The following SENP3 variants were observed in gnomAD, a reference collection of about 807,000 sequenced individuals.
The protein encoded by SENP3 is sentrin-specific protease 3.
Under a neutral mutation model 66.2 loss-of-function variants are expected in SENP3, and 11 were observed. The observed-to-expected ratio is 0.17, with a 90% CI of 0.10 to 0.28. The LOEUF (loss-of-function observed/expected upper bound fraction) is 0.28. SENP3 is among the 10% of genes least tolerant of loss of function. SENP3 has a pLI of 1.00. For missense variants in SENP3, 548 were observed against 743.7 expected, an observed-to-expected ratio of 0.74 and a Z score of 3.06; for synonymous variants, 292 against 277.6, an observed-to-expected ratio of 1.05 and a Z score of -0.52.
rs1222903863 is a variant in SENP3, at chr17:7,566,881, C to G, written c.1264-46C>G. The G allele has an allele frequency of 3.0e-6, 4 of 1,346,422 alleles. No individual in the cohort carries two copies. The Admixed American group carries it at 5.9e-5, about 20-fold the overall frequency. The allele number at this position is 1,346,422 out of a possible 1,614,324, so 83.4% of individuals were successfully genotyped here. The stretch of plus-strand genomic sequence containing the variant: ...AGGAGGGGAGACTTAGTGGGAGAGT[C>G]TGAGGTCTTTTAATTCCATTGAGCT... On this transcript the variant is annotated intron_variant, in intron 6 of 10. Transcript: ENST00000321337.
At position 7,570,797 on chromosome 17, in the gene SENP3, G is replaced by A; in HGVS notation, c.1563+33G>A. On this transcript the variant is annotated intron_variant, in intron 9 of 10. Transcript: ENST00000321337. The surrounding 1 kb of genome is among the most constrained non-coding windows in gnomAD (Gnocchi z 5.4). The stretch of plus-strand genomic sequence containing the variant: ...TCCTGAGGGAGGGGTATAGGGTGTT[G>A]GTGGGGACAGTGGTAGAAGGCAGAA... The A allele has an allele frequency of 6.2e-7, 1 of 1,604,450 alleles. No homozygotes were observed. Among genetic ancestry groups the A allele is most frequent in the Non-Finnish European group, 8.5e-7 (1 of 1,174,486 alleles).
chr17:7,563,424 C>T lies in SENP3; in HGVS notation c.348C>T (p.Pro116=). 1 of 1,550,330 alleles carries T rather than the reference C, an allele frequency of 6.5e-7. No homozygotes were observed. The change falls in exon 2 of 11, where the codon CCC becomes CCT. Residue 116 remains proline, a synonymous_variant. Transcript: ENST00000321337. ...GTSQRPRPSR[P]THRKTCSQRR... ...CCCAGCGGCCCCGCCCTTCCCGCCC[C>T]ACTCATCGAAAAACCTGCTCACAGC...
Position 7,570,392 on chromosome 17 carries a change from A to G in SENP3, c.1378A>G (p.Ile460Val). 1 of 1,613,874 alleles carries G rather than the reference A, an allele frequency of 6.2e-7. No homozygotes were observed. The highest frequency in any genetic ancestry group is 8.5e-7 in the Non-Finnish European group (1 of 1,179,836). Residue 460 changes from isoleucine (I) to valine (V), a missense_variant, in exon 8 of 11, where the codon ATC becomes GTC. Physicochemically the swap from Ile to Val is conservative, Grantham distance 29. Transcript: ENST00000321337. The surrounding 1 kb of genome is among the most constrained non-coding windows in gnomAD (Gnocchi z 5.4). ...IFNKELLLIP[I>V]HLEVHWSLIS... Reference sequence around the variant, plus strand: ...CAATAAGGAGCTACTGCTAATCCCCATCCACCTGGAGGTGCATTGGTCCCT... The same window carrying G: ...CAATAAGGAGCTACTGCTAATCCCCGTCCACCTGGAGGTGCATTGGTCCCT...
chr17:7,562,923 G>A lies in SENP3; in HGVS notation c.-11-143G>A, dbSNP rs796154996. On this transcript the variant is annotated intron_variant, in intron 1 of 10. Coordinates refer to ENST00000321337, the MANE Select transcript of SENP3 (RefSeq NM_015670.6). This position sits in a 1 kb window ranked among gnomAD's most constrained non-coding sequence, Gnocchi z 5.0. Reference sequence around the variant, plus strand: ...GCCCCTTGTGGACCGCGTTAACCGGGAAGATCTTAAGTTAGGAGTTTTGCG... The same window carrying A: ...GCCCCTTGTGGACCGCGTTAACCGGAAAGATCTTAAGTTAGGAGTTTTGCG... 1.1e-5 allele frequency: 14 copies of A among 1,265,718 alleles called. No homozygotes were observed. The East Asian group carries it at 3.0e-4, about 27-fold the overall frequency. 78.4% of individuals were successfully genotyped at this position (1,265,718 alleles called of 1,614,324 possible).
intron 2 of SENP3, 95 bp downstream of exon 2, chr17:7,563,886 G>A: frequency 8.9e-7 from 1 of 1,122,228 alleles, no homozygotes; most frequent in Non-Finnish European, 1.2e-6. Context: ...TGAGAGCTGG[G>A]CTTAAGGAAA....
chr17:7,571,495 C>G lies in SENP3; in HGVS notation c.*12C>G, dbSNP rs186229805. 2.6e-4 allele frequency: 416 copies of G among 1,600,730 alleles called. No homozygotes were observed. In the African/African-American group the frequency reaches 4.9e-3, roughly 19 times the overall value. On this transcript the variant is annotated 3_prime_UTR_variant, in exon 11 of 11. Transcript: ENST00000321337. ...AACTCACTGTGTGAGCCTCGTACCC[C>G]AGACCCCAAGCCCATAAATGGGAAG...
chr17:7,564,480 C>G (rs2071251710), intron 2 of SENP3, 145 bp from the exon 3 acceptor site: 1 of 1,208,944 alleles, frequency 8.3e-7, no homozygotes, highest in Non-Finnish European at 1.2e-6. Context: ...GTCCCCATTT[C>G]TTGGAGTGGG....
chr17:7,563,327 A>G lies in SENP3; in HGVS notation c.251A>G (p.Glu84Gly). The change falls in exon 2 of 11, where the codon GAG (glutamate) becomes GGG (glycine). Residue 84 changes from glutamate to glycine, a missense_variant. Physicochemically the swap from Glu to Gly is moderately conservative, Grantham distance 98 (BLOSUM62 -2). Transcript: ENST00000321337. ...GAAGAGGAGGAAGAAGAGGAGGAGG[A>G]GGAGGATGAAGATGAAGAGGAGGAA... ...ASEEEEEEEE[E>G]EDEDEEEEVA... 1.3e-6 allele frequency: 2 copies of G among 1,552,594 alleles called. No individual in the cohort carries two copies. The highest frequency in any genetic ancestry group is 1.7e-6 in the Non-Finnish European group (2 of 1,147,400).
Position 7,563,586 on chromosome 17 carries a change from C to G in SENP3, c.510C>G (p.Pro170=). The G allele has an allele frequency of 6.4e-7, 1 of 1,561,928 alleles. No homozygotes were observed. The highest frequency in any genetic ancestry group is 1.2e-5 in the South Asian group (1 of 85,490). The change falls in exon 2 of 11, where the codon CCC becomes CCG. Residue 170 remains proline (P), a synonymous_variant. Coordinates refer to ENST00000321337, the MANE Select transcript of SENP3 (RefSeq NM_015670.6). ...CACACCCCAAGAACCATCTTTCACCCCAGCAAGGGGGTGCGACGCCACAGG... is the reference window on the plus strand; with the variant it reads ...CACACCCCAAGAACCATCTTTCACCGCAGCAAGGGGGTGCGACGCCACAGG... ...GLAHPKNHLS[P]QQGGATPQVP...
At chr17:7,565,613 T>TGA in intron 5 of SENP3, 26 bp downstream of exon 5, 2 of 1,613,554 alleles carry the variant, frequency 1.2e-6, no homozygotes, top group Non-Finnish European at 1.7e-6. Flanking sequence ...GAAACAGGCC[T>TGA]GAGAGGGGAT....
chr17:7,564,932 A>G, intron 3 of SENP3, 27 bp from the exon 4 acceptor site: 4 of 1,608,728 alleles, frequency 2.5e-6, no homozygotes, highest in Non-Finnish European at 3.4e-6. Flanking sequence ...TGGAGGCCTC[A>G]CCCCCTCCTC....
Position 7,563,353 on chromosome 17 carries a change from GTGGCAGCTTGGAGGCTGCCCCCA to G in SENP3, c.278_300del (p.Val93GlufsTer87), listed in dbSNP as rs1597838077. 1 of 1,551,946 alleles carries G rather than the reference GTGGCAGCTTGGAGGCTGCCCCCA, an allele frequency of 6.4e-7. No homozygotes were observed. The highest frequency in any genetic ancestry group is 8.7e-7 in the Non-Finnish European group (1 of 1,147,164). On this transcript the variant is annotated frameshift_variant, in exon 2 of 11. Transcript: ENST00000321337. LOFTEE classifies it high-confidence loss of function. ...GGAGGATGAAGATGAAGAGGAGGAA[GTGGCAGCTTGGAGGCTGCCCCCA>G]AGATGGAGTCAGCTGGGAACCTCCC...
intron 5 of SENP3, 63 bp from the exon 6 acceptor site, chr17:7,565,654 A>G (rs2071261582): frequency 1.2e-6 from 2 of 1,612,992 alleles, no homozygotes; most frequent in East Asian, 2.2e-5. Context: ...GGCCCTCTGC[A>G]TGGGGGAGCC....
Position 7,561,956 on chromosome 17 carries a change from C to G in SENP3, c.-319C>G. 3 of 393,122 alleles carry G rather than the reference C, an allele frequency of 7.6e-6. No individual in the cohort carries two copies. Among genetic ancestry groups the G allele is most frequent in the Non-Finnish European group, 1.4e-5 (3 of 222,206 alleles). The allele number at this position is 393,122 out of a possible 1,614,324, so 24.4% of individuals were successfully genotyped here. A position where few individuals can be genotyped will look rare whatever the true frequency, so the allele number is the denominator to read the frequency against. ...TCGTGCGCCACCGCTGCCGGTGGGC[C>G]CGGGGCTCGCGGGAGGGGAAGGAGG... On this transcript the variant is annotated 5_prime_UTR_variant, in exon 1 of 11. Transcript: ENST00000321337. This position sits in a 1 kb window ranked among gnomAD's most constrained non-coding sequence, Gnocchi z 4.4.
intron 7 of SENP3, 138 bp downstream of exon 7, chr17:7,567,142 A>G (rs1024792981): frequency 8.5e-6 from 6 of 703,346 alleles, no homozygotes; most frequent in Non-Finnish European, 1.5e-5. Flanking sequence ...GTAGGCACTA[A>G]GGATACAGTG....
At position 7,563,406 on chromosome 17, in the gene SENP3, G is replaced by A; in HGVS notation, c.330G>A (p.Arg110=). Residue 110 remains arginine, a synonymous_variant, in exon 2 of 11, where the codon CGG becomes CGA. Coordinates refer to ENST00000321337, the MANE Select transcript of SENP3 (RefSeq NM_015670.6). ...PRWSQLGTSQ[R]PRPSRPTHRK... ...GGAGTCAGCTGGGAACCTCCCAGCG[G>A]CCCCGCCCTTCCCGCCCCACTCATC... The A allele has an allele frequency of 2.6e-6, 4 of 1,547,598 alleles. No homozygotes were observed. The highest frequency in any genetic ancestry group is 2.6e-6 in the Non-Finnish European group (3 of 1,144,094).
intron 7 of SENP3, among the ~76,000 whole-genome samples, chr17:7,569,091 A>T (rs145439493): frequency 1.6e-4 from 24 of 152,302 alleles, no homozygotes; most frequent in African/African-American, 5.1e-4. Flanking sequence ...GTAGGAAAGA[A>T]GATTTGTTTT....
rs767097739 is a variant in SENP3, at chr17:7,565,524, G to A, written c.1152G>A (p.Lys384=). ...TGAGGGGCTTCCGAGTGGCTTATAA[G>A]CGGCACGTGCTGACCATGGATGACT... ...AMVRGFRVAY[K]RHVLTMDDLG... The change falls in exon 5 of 11, where the codon AAG becomes AAA. Residue 384 remains lysine (K), a synonymous_variant. Transcript: ENST00000321337. The A allele has an allele frequency of 1.9e-6, 3 of 1,613,772 alleles. No individual in the cohort carries two copies. In the African/African-American group the frequency reaches 4.0e-5, roughly 22 times the overall value.
chr17:7,568,002 A>G (rs949635643), intron 7 of SENP3, among the ~76,000 whole-genome samples: 1 of 151,368 alleles, frequency 6.6e-6, no homozygotes, highest in African/African-American at 2.4e-5. Context: ...TATGTAGGAT[A>G]AATTTTACGA....
Sources: gnomAD v4.1 joint callset for allele counts (sites outside exome capture counted in the v4.1 genomes callset) on GRCh38, gnomAD v4.1.1 for gene constraint, Gnocchi (gnomAD v3.1) non-coding constraint, MANE v1.5 for transcripts, NCBI Gene and HGNC (gene_info 2026-07-23, HGNC 2026-07-21) for gene names.